DLGAP2: variants seen among roughly 807,000 people sequenced by gnomAD.
The protein encoded by DLGAP2 is disks large-associated protein 2.
A neutral mutation model predicts 100.3 loss-of-function variants in DLGAP2; 26 were observed. That is an observed-to-expected ratio of 0.26 (90% confidence interval 0.19 to 0.36). The LOEUF (loss-of-function observed/expected upper bound fraction) is 0.36, where lower values mean the gene tolerates loss of function less well. Among genes scored for constraint, DLGAP2 ranks in the 10% least tolerant of loss-of-function variants. DLGAP2 has a pLI of 1.00. For synonymous variants in DLGAP2, 886 were observed against 630.1 expected, an observed-to-expected ratio of 1.41 and a Z score of -6.08; for missense variants, 1,858 against 1,453.2, an observed-to-expected ratio of 1.28 and a Z score of -4.53.
At chr8:1,083,609 T>C (rs991495844) in intron 2 of DLGAP2, among the ~76,000 whole-genome samples, 1 of 152,156 alleles carries the variant, frequency 6.6e-6, no homozygotes, top group South Asian at 2.1e-4. Flanking sequence ...CTAACTGATG[T>C]AGTGAAATGT....
At chr8:738,582 T>C (rs1326599438) in intron 1 of DLGAP2, 1 of 151,848 alleles carries the variant, frequency 6.6e-6, no homozygotes, top group African/African-American at 2.4e-5. Flanking sequence ...CGCTAACGAT[T>C]GCAGGAGAAA....
intron 10 of DLGAP2, among the ~76,000 whole-genome samples, chr8:1,675,175 G>A (rs1243147164): frequency 6.6e-6 from 1 of 152,230 alleles, no homozygotes; most frequent in Non-Finnish European, 1.5e-5. Context: ...CCCGGTGAAA[G>A]TGGACGTCTC....
intron 2 of DLGAP2, among the ~76,000 whole-genome samples, chr8:951,288 C>G (rs1053813047): frequency 3.9e-5 from 6 of 152,208 alleles, no homozygotes; most frequent in African/African-American, 1.4e-4. Flanking sequence ...TTCTGTTGCC[C>G]TGGCTGGAGT....
At chr8:1,196,114 C>T (rs926058656) in intron 2 of DLGAP2, among the ~76,000 whole-genome samples, 8 of 152,174 alleles carry the variant, frequency 5.3e-5, no homozygotes, top group African/African-American at 1.2e-4. Context: ...TCCAGGGCCC[C>T]GTCACATTTT....
intron 1 of DLGAP2, among the ~76,000 whole-genome samples, chr8:848,080 G>A (rs929624026): frequency 4.6e-5 from 7 of 152,110 alleles, no homozygotes; most frequent in African/African-American, 1.4e-4. Flanking sequence ...CCAGCCACAG[G>A]CACCTGCCTG....
chr8:1,384,790 AC>A (rs1796178484), intron 3 of DLGAP2, among the ~76,000 whole-genome samples: 1 of 33,992 alleles, frequency 2.9e-5, no homozygotes, highest in Non-Finnish European at 6.6e-5. Flanking sequence ...GTGCACAGTT[AC>A]CCCGGCCTGT....
chr8:1,060,990 T>TTGG (rs1563170541), intron 2 of DLGAP2, among the ~76,000 whole-genome samples: 1 of 152,218 alleles, frequency 6.6e-6, no homozygotes, highest in African/African-American at 2.4e-5. Context: ...AACACAGGCA[T>TTGG]TGGTGAACCA....
chr8:1,608,655 G>C (rs1460427098), intron 6 of DLGAP2, among the ~76,000 whole-genome samples: 1 of 133,698 alleles, frequency 7.5e-6, no homozygotes, highest in African/African-American at 2.8e-5. Flanking sequence ...AAATTTAGAA[G>C]AATGTATAAC....
At chr8:859,273 G>T (rs114443819) in intron 1 of DLGAP2, among the ~76,000 whole-genome samples, 1,852 of 152,082 alleles carry the variant, frequency 0.012, 51 homozygotes, top group African/African-American at 0.043. Flanking sequence ...CACGAAGCCT[G>T]GCTAATTTTT....
chr8:1,270,566 T>A (rs1313488195), intron 3 of DLGAP2, among the ~76,000 whole-genome samples: 1 of 152,182 alleles, frequency 6.6e-6, no homozygotes. Flanking sequence ...TGTCTTAACC[T>A]CTTTGCCATT....
chr8:1,291,312 A>G (rs1257577829), intron 3 of DLGAP2, among the ~76,000 whole-genome samples: 1 of 152,182 alleles, frequency 6.6e-6, no homozygotes, highest in African/African-American at 2.4e-5. Flanking sequence ...GACTCAAGAT[A>G]AAGGGATGGG....
At chr8:1,495,793 G>C (rs1799528048) in intron 3 of DLGAP2, among the ~76,000 whole-genome samples, 1 of 152,192 alleles carries the variant, frequency 6.6e-6, no homozygotes, top group Admixed American at 6.5e-5. Context: ...GCTTTCTAGT[G>C]TCTGCGATGA....
intron 3 of DLGAP2, among the ~76,000 whole-genome samples, chr8:1,354,384 G>A (rs1033046409): frequency 1.3e-5 from 2 of 152,088 alleles, no homozygotes; most frequent in Non-Finnish European, 2.9e-5. Flanking sequence ...GTGGTGGTGC[G>A]TGCTTGTAGT....
intron 2 of DLGAP2, among the ~76,000 whole-genome samples, chr8:1,034,468 A>T (rs867024423): frequency 5.2e-4 from 7 of 13,456 alleles, no homozygotes; most frequent in East Asian, 4.9e-3. Flanking sequence ...GCGTGTCACC[A>T]CGAGTGGGTT....
chr8:1,387,130 G>C (rs540567562), intron 3 of DLGAP2, among the ~76,000 whole-genome samples: 4 of 152,134 alleles, frequency 2.6e-5, no homozygotes, highest in Admixed American at 1.3e-4. Flanking sequence ...CAGAGCCGTC[G>C]TGATCATTGA....
chr8:1,524,433 G>T (rs1344987341), intron 4 of DLGAP2, among the ~76,000 whole-genome samples: 1 of 152,042 alleles, frequency 6.6e-6, no homozygotes, highest in African/African-American at 2.4e-5. Flanking sequence ...AGTCAGCTTG[G>T]GCAGCCCTAA....
At position 1,240,777 on chromosome 8, in the gene DLGAP2, C is replaced by T. The variant is rs1202672111; in HGVS notation, c.74-18074C>T. Among the ~76,000 whole-genome samples, 60 of 18,692 alleles carry T rather than the reference C, an allele frequency of 3.2e-3. 4 individuals are homozygous for T. Among genetic ancestry groups the T allele is most frequent in the African/African-American group, 0.012 (40 of 3,424 alleles). The allele number at this position is 18,692 out of a possible 152,430, so 12.3% of individuals were successfully genotyped here. On this transcript the variant is annotated intron_variant, in intron 2 of 14. Transcript: ENST00000637795. ...CATGGCGCCGTGTCTAGTTGTCTCA[C>T]ATGGTGCCGTTTCTAGTTCTTTCAC...
chr8:1,186,523 C>G (rs899445368), intron 2 of DLGAP2, among the ~76,000 whole-genome samples: 2 of 152,180 alleles, frequency 1.3e-5, no homozygotes, highest in Non-Finnish European at 2.9e-5. Context: ...TTCCAGGCGC[C>G]TTATCCTCTC....
chr8:1,634,612 T>C (rs1797726197), intron 8 of DLGAP2, among the ~76,000 whole-genome samples: 1 of 152,204 alleles, frequency 6.6e-6, no homozygotes, highest in South Asian at 2.1e-4. Context: ...TTTACAATGA[T>C]TGCATTGAAA....
Sources: allele counts gnomAD v4.1 joint callset (sites outside exome capture counted in the v4.1 genomes callset), GRCh38; gene constraint gnomAD v4.1.1; transcripts MANE v1.5; gene names NCBI Gene and HGNC (gene_info 2026-07-23, HGNC 2026-07-21).